The following BCAS3 variants were observed in gnomAD, a reference collection of about 807,000 sequenced individuals.
BCAS3 encodes BCAS4/BCAS3 fusion.
A neutral mutation model predicts 116.1 loss-of-function variants in BCAS3; 53 were observed. The ratio of observed to expected loss-of-function variants is 0.46; its 90% confidence interval spans 0.37 to 0.57. The LOEUF (loss-of-function observed/expected upper bound fraction) is 0.57, where lower values mean the gene tolerates loss of function less well. Ranked by LOEUF, BCAS3 falls within the 20% of genes least tolerant of loss-of-function variation. The pLI is 0.00. For synonymous variants in BCAS3, 391 were observed against 408.2 expected (o/e 0.96, Z 0.51); for missense variants, 917 against 1,165.4 (o/e 0.79, Z 3.10).
rs370630456 is a variant in BCAS3, at chr17:60,801,201, T to C, written c.404-6803T>C. On this transcript the variant is annotated intron_variant, in intron 6 of 23. Coordinates refer to ENST00000407086, the MANE Select transcript of BCAS3 (RefSeq NM_017679.5). ...TTGTTTTATCAGCAGTTAGTAGTTT[T>C]CAGTACATAAGTCCTGTACATGTTT... Among the ~76,000 whole-genome samples the C allele has an allele frequency of 3.9e-5, 6 of 152,294 alleles. No individual in the cohort carries two copies. The East Asian group carries it at 1.2e-3, about 29-fold the overall frequency.
intron 14 of BCAS3, among the ~76,000 whole-genome samples, chr17:60,951,210 C>T (rs778012616): frequency 9.9e-5 from 15 of 152,066 alleles, no homozygotes; most frequent in Non-Finnish European, 2.1e-4. Context: ...AATACATTTT[C>T]TGAAAATTAT....
At chr17:61,119,146 C>T (rs576724319) in intron 22 of BCAS3, among the ~76,000 whole-genome samples, 1 of 152,232 alleles carries the variant, frequency 6.6e-6, no homozygotes, top group South Asian at 2.1e-4. Flanking sequence ...ATAGCATTAG[C>T]ATTGAGGAAC....
At chr17:60,808,794 A>G (rs2048516893) in intron 7 of BCAS3, among the ~76,000 whole-genome samples, 1 of 152,344 alleles carries the variant, frequency 6.6e-6, no homozygotes. Flanking sequence ...TAATTATGAA[A>G]TAATGATGTA....
chr17:60,965,473 G>C (rs535247350), intron 14 of BCAS3, among the ~76,000 whole-genome samples: 1 of 151,746 alleles, frequency 6.6e-6, no homozygotes, highest in Non-Finnish European at 1.5e-5. Flanking sequence ...CTGCCCCCTC[G>C]GCTTACCAAA....
intron 7 of BCAS3, among the ~76,000 whole-genome samples, chr17:60,866,340 G>T (rs1276127780): frequency 2.0e-5 from 3 of 151,962 alleles, no homozygotes; most frequent in African/African-American, 7.2e-5. Context: ...TGTTGGTCAG[G>T]CTGGTCTTGA....
chr17:60,945,065 T>C (rs2060413282), intron 13 of BCAS3, among the ~76,000 whole-genome samples: 1 of 152,150 alleles, frequency 6.6e-6, no homozygotes, highest in South Asian at 2.1e-4. Context: ...AGAAAATTCT[T>C]GTACTGTATA....
chr17:61,184,355 C>CAA (rs35667500), intron 22 of BCAS3, among the ~76,000 whole-genome samples: 36 of 151,412 alleles, frequency 2.4e-4, no homozygotes, highest in Admixed American at 3.9e-4. Flanking sequence ...TTTTAAATGA[C>CAA]AAAAAAAAGA....
At chr17:61,330,323 A>G (rs369599361) in intron 22 of BCAS3, among the ~76,000 whole-genome samples, 1 of 146,996 alleles carries the variant, frequency 6.8e-6, no homozygotes, top group African/African-American at 2.5e-5. Context: ...CAGTGGCGCA[A>G]TCACGGCTCA....
At chr17:61,129,711 C>T (rs527345568) in intron 22 of BCAS3, among the ~76,000 whole-genome samples, 5 of 152,284 alleles carry the variant, frequency 3.3e-5, no homozygotes, top group Non-Finnish European at 5.9e-5. Flanking sequence ...AGGGAGGTGC[C>T]GATCTTCAGT....
chr17:61,079,723 G>C (rs979062703), intron 21 of BCAS3, among the ~76,000 whole-genome samples: 3 of 151,884 alleles, frequency 2.0e-5, no homozygotes, highest in African/African-American at 7.3e-5. Context: ...AGGCTCTTGA[G>C]TAGCTGGGAT....
intron 15 of BCAS3, among the ~76,000 whole-genome samples, chr17:61,010,614 C>CA (rs2065047426): frequency 6.6e-6 from 1 of 151,414 alleles, no homozygotes; most frequent in Admixed American, 6.6e-5. Flanking sequence ...TAGCAGTAAA[C>CA]AAAAAACTGA....
intron 13 of BCAS3, among the ~76,000 whole-genome samples, chr17:60,929,943 C>A (rs2145180526): frequency 6.6e-6 from 1 of 151,890 alleles, no homozygotes; most frequent in East Asian, 1.9e-4. Flanking sequence ...TGTATATGTG[C>A]CACATTTTCT....
In BCAS3 at chr17:61,027,172, A is replaced by G. The variant is rs189143302; in HGVS notation, c.1638-7494A>G. ...TTTTTTTAAATAGAAGAATTCTCTC[A>G]TAATGCTCGTAAATATTACAAGACA... On this transcript the variant is annotated intron_variant, in intron 16 of 23. Coordinates refer to ENST00000407086, the MANE Select transcript of BCAS3 (RefSeq NM_017679.5). Among the ~76,000 whole-genome samples, 617 of 151,882 alleles carry G rather than the reference A, an allele frequency of 4.1e-3. 5 individuals carry two copies. Among genetic ancestry groups the G allele is most frequent in the African/African-American group, 0.014 (595 of 41,496 alleles).
rs1183437829 is a variant in BCAS3, at chr17:61,037,654, C to T, written c.1763-235C>T. On this transcript the variant is annotated intron_variant, in intron 17 of 23. Transcript: ENST00000407086. The surrounding 1 kb of genome is among the most constrained non-coding windows in gnomAD (Gnocchi z 4.7). ...GGGTGTGGTGACAGGAGCCTGTAATCCCAGCTACTCAAGAGGCTGAGGCGG... is the reference window on the plus strand; with the variant it reads ...GGGTGTGGTGACAGGAGCCTGTAATTCCAGCTACTCAAGAGGCTGAGGCGG... 5.3e-5 allele frequency among the ~76,000 whole-genome samples: 8 copies of T among 152,142 alleles called. No homozygotes were observed. The highest frequency in any genetic ancestry group is 8.8e-5 in the Non-Finnish European group (6 of 68,022).
chr17:60,768,813 C>T (rs953910978), intron 6 of BCAS3, among the ~76,000 whole-genome samples: 9 of 152,204 alleles, frequency 5.9e-5, no homozygotes, highest in South Asian at 2.1e-4. Context: ...CCAGTGTCAG[C>T]GGGCCTAGGT....
chr17:61,129,280 TTTGTTG>T (rs566265280), intron 22 of BCAS3, among the ~76,000 whole-genome samples: 2 of 152,224 alleles, frequency 1.3e-5, no homozygotes, highest in African/African-American at 2.4e-5. Flanking sequence ...AATGAATTTC[TTTGTTG>T]TTGTTGTTGT....
intron 14 of BCAS3, among the ~76,000 whole-genome samples, chr17:60,983,324 A>G (rs2062927505): frequency 6.6e-6 from 1 of 152,028 alleles, no homozygotes; most frequent in Non-Finnish European, 1.5e-5. Context: ...CTAGTTTTCC[A>G]TTTTTACAGG....
At chr17:60,697,801 C>T (rs987796657) in intron 4 of BCAS3, among the ~76,000 whole-genome samples, 1 of 151,960 alleles carries the variant, frequency 6.6e-6, no homozygotes, top group African/African-American at 2.4e-5. Context: ...TTGTAGTTGG[C>T]TGAAACCATG....
At chr17:60,843,795 T>C (rs1217584687) in intron 7 of BCAS3, among the ~76,000 whole-genome samples, 1 of 152,244 alleles carries the variant, frequency 6.6e-6, no homozygotes, top group African/African-American at 2.4e-5. Context: ...TTCCCGACTC[T>C]ATGTTTTTCT....
Sources: allele counts gnomAD v4.1 joint callset (sites outside exome capture counted in the v4.1 genomes callset), GRCh38; gene constraint gnomAD v4.1.1; non-coding constraint Gnocchi (gnomAD v3.1); transcripts MANE v1.5; gene names NCBI Gene and HGNC (gene_info 2026-07-23, HGNC 2026-07-21).